C10orf143: variants seen among roughly 807,000 people sequenced by gnomAD.
The protein encoded by C10orf143 is uncharacterized protein C10orf143.
At chr10:130,084,762 A>G (rs934102018) in intron 1 of C10orf143, among the ~76,000 whole-genome samples, 2 of 152,192 alleles carry the variant, frequency 1.3e-5, no homozygotes, top group Non-Finnish European at 2.9e-5. Context: ...TGGTTTCGAA[A>G]TACCATTTTC....
chr10:130,072,782 T>C (rs1861054267), intron 3 of C10orf143, among the ~76,000 whole-genome samples: 1 of 152,256 alleles, frequency 6.6e-6, no homozygotes, highest in Non-Finnish European at 1.5e-5. Flanking sequence ...ATGCTTGTAG[T>C]CTATTAAGTG....
intron 3 of C10orf143, among the ~76,000 whole-genome samples, chr10:130,048,336 GC>G (rs1474611516): frequency 6.6e-6 from 1 of 152,194 alleles, no homozygotes; most frequent in Non-Finnish European, 1.5e-5. Context: ...GTCTGTGGGT[GC>G]CCCTCCTACT....
At chr10:130,099,862 T>G (rs1248163362) in intron 1 of C10orf143, among the ~76,000 whole-genome samples, 1 of 18,002 alleles carries the variant, frequency 5.6e-5, no homozygotes, top group East Asian at 1.6e-3. Context: ...TTTTTTAAGA[T>G]GGACTCTCAC....
chr10:130,039,343 A>C (rs1473916718), intron 3 of C10orf143, among the ~76,000 whole-genome samples: 1 of 152,184 alleles, frequency 6.6e-6, no homozygotes, highest in East Asian at 1.9e-4. Flanking sequence ...TTCCAGTCCA[A>C]GCCCAAAGGC....
At chr10:130,091,569 G>C (rs577251173) in intron 1 of C10orf143, among the ~76,000 whole-genome samples, 1 of 152,324 alleles carries the variant, frequency 6.6e-6, no homozygotes, top group South Asian at 2.1e-4. Context: ...GAATGAGTTT[G>C]ATGAGTCAAC....
In C10orf143 at chr10:130,079,755, CT is replaced by C. The variant is rs1590021707; in HGVS notation, c.215del (p.Gln72ArgfsTer4). ...CLPAPRPESG[Q>X]GRLSTGISQN... ...AACATACCCCTGTACTTAGCCTCCC[CT>C]GGCCACTCTCTGGCCTTGGTGCTGG... On this transcript the variant is annotated frameshift_variant, in exon 2 of 4. Coordinates refer to ENST00000637128, the MANE Select transcript of C10orf143 (RefSeq NM_001355042.2). LOFTEE classifies it high-confidence loss of function. The C allele has an allele frequency of 2.5e-6, 1 of 398,692 alleles. No individual in the cohort carries two copies. Among genetic ancestry groups the C allele is most frequent in the Non-Finnish European group, 4.4e-6 (1 of 226,086 alleles). 24.7% of individuals were successfully genotyped at this position (398,692 alleles called of 1,614,324 possible).
intron 1 of C10orf143, chr10:130,108,399 T>C: frequency 1.0e-6 from 1 of 973,762 alleles, no homozygotes; most frequent in South Asian, 1.3e-5. Context: ...TCAGGGCTGA[T>C]TCCGCCTTCA....
chr10:130,093,347 A>G (rs1861412109), intron 1 of C10orf143, among the ~76,000 whole-genome samples: 1 of 152,228 alleles, frequency 6.6e-6, no homozygotes, highest in Admixed American at 6.5e-5. Context: ...GCAGAAATAA[A>G]TAAGTTCTTT....
At chr10:130,075,709 T>C (rs1034771118) in intron 3 of C10orf143, among the ~76,000 whole-genome samples, 1 of 152,134 alleles carries the variant, frequency 6.6e-6, no homozygotes, top group African/African-American at 2.4e-5. Flanking sequence ...GGGGGCGGAC[T>C]TCCCCTTGCT....
intron 1 of C10orf143, among the ~76,000 whole-genome samples, chr10:130,086,134 G>C (rs1219991606): frequency 6.6e-6 from 1 of 152,158 alleles, no homozygotes; most frequent in Non-Finnish European, 1.5e-5. Flanking sequence ...AACTAGCAGA[G>C]TAGAATCACC....
chr10:130,059,009 C>T (rs971778365), downstream of C10orf143, among the ~76,000 whole-genome samples: 17 of 152,224 alleles, frequency 1.1e-4, no homozygotes, highest in East Asian at 2.5e-3. Flanking sequence ...AGTAAAGAAA[C>T]TACACCATGT....
chr10:130,043,268 T>G (rs1218028423), intron 3 of C10orf143, among the ~76,000 whole-genome samples: 1 of 152,190 alleles, frequency 6.6e-6, no homozygotes, highest in Admixed American at 6.5e-5. Context: ...TCATCATTAC[T>G]TATAAACATG....
intron 1 of C10orf143, among the ~76,000 whole-genome samples, chr10:130,108,867 A>C (rs1428899043): frequency 2.0e-5 from 3 of 152,216 alleles, no homozygotes; most frequent in Non-Finnish European, 4.4e-5. Context: ...TAACCATTCA[A>C]TCACTAGCAG....
chr10:130,074,485 C>T (rs1404420608), intron 3 of C10orf143, among the ~76,000 whole-genome samples: 1 of 152,162 alleles, frequency 6.6e-6, no homozygotes, highest in East Asian at 1.9e-4. Flanking sequence ...AAGAGCAGGG[C>T]ACTGCGCATC....
intron 3 of C10orf143, among the ~76,000 whole-genome samples, chr10:130,075,587 G>A (rs930978862): frequency 6.6e-6 from 1 of 152,210 alleles, no homozygotes; most frequent in African/African-American, 2.4e-5. Flanking sequence ...GAAGAGATGA[G>A]AAGCCAAACG....
In C10orf143 at chr10:130,075,835, A is replaced by C. The variant is rs532698703; in HGVS notation, c.297+3731T>G. ...GGTAAGGCATGCTTGCTTCCCCTTCACCTTCCACCAGGATTGTAAGTTTCC... is the reference window on the plus strand; with the variant it reads ...GGTAAGGCATGCTTGCTTCCCCTTCCCCTTCCACCAGGATTGTAAGTTTCC... On this transcript the variant is annotated intron_variant, in intron 3 of 3. Coordinates refer to ENST00000637128, the MANE Select transcript of C10orf143 (RefSeq NM_001355042.2). 4.9e-4 allele frequency among the ~76,000 whole-genome samples: 74 copies of C among 151,846 alleles called. 1 individual carries two copies. In the South Asian group the frequency reaches 0.014, roughly 28 times the overall value.
chr10:130,039,212 A>C (rs1032433452), intron 3 of C10orf143, among the ~76,000 whole-genome samples: 2 of 152,204 alleles, frequency 1.3e-5, no homozygotes, highest in African/African-American at 4.8e-5. Flanking sequence ...GAGAACCAAC[A>C]GGATATACAC....
chr10:130,074,566 C>T lies in C10orf143; in HGVS notation c.297+5000G>A, dbSNP rs1200488398. Among the ~76,000 whole-genome samples, 4 of 152,108 alleles carry T rather than the reference C, an allele frequency of 2.6e-5. No individual in the cohort carries two copies. The South Asian group carries it at 8.3e-4, about 32-fold the overall frequency. ...CCCGTCCCCAGCTTGACACTCGGAC[C>T]CGCCCTAGCAAGCACAGGCAGTGTT... is the stretch of plus-strand genomic sequence containing the variant. On this transcript the variant is annotated intron_variant, in intron 3 of 3. Transcript: ENST00000637128.
chr10:130,044,829 A>G (rs367773446), intron 3 of C10orf143, among the ~76,000 whole-genome samples: 11 of 152,080 alleles, frequency 7.2e-5, no homozygotes, highest in East Asian at 5.8e-4. Context: ...AGGGCTTCCT[A>G]TGGCTTGTGG....
Sources: gnomAD v4.1 joint callset for allele counts (sites outside exome capture counted in the v4.1 genomes callset) on GRCh38, gnomAD v4.1.1 for gene constraint, MANE v1.5 for transcripts, NCBI Gene and HGNC (gene_info 2026-07-23, HGNC 2026-07-21) for gene names.